Variants in SH3RF3 observed in about 807,000 individuals in gnomAD.
SH3RF3 encodes SH3 domain containing ring finger 3.
In SH3RF3, 29 loss-of-function variants were observed where a neutral mutation model predicts 66.3. The ratio of observed to expected loss-of-function variants is 0.44; its 90% CI spans 0.33 to 0.60. SH3RF3 has a LOEUF of 0.60. SH3RF3 is among the 20% of genes least tolerant of loss of function. The pLI, the probability that SH3RF3 is intolerant of heterozygous loss-of-function variation, is 0.04. For missense variants in SH3RF3, 1,194 were observed against 1,190.9 expected (o/e 1.00, Z -0.04); for synonymous variants, 583 against 532.0 (o/e 1.10, Z -1.32).
In SH3RF3 at chr2:109,411,004, A is replaced by C. The variant is rs187316554; in HGVS notation, c.1300-8535A>C. 3.4e-3 allele frequency among the ~76,000 whole-genome samples: 525 copies of C among 152,300 alleles called. 1 individual carries two copies. The highest frequency in any genetic ancestry group is 0.012 in the African/African-American group (492 of 41,564). On this transcript the variant is annotated intron_variant, in intron 4 of 9. Coordinates refer to ENST00000309415, the MANE Select transcript of SH3RF3 (RefSeq NM_001099289.3). ...CCTGCCAAGTCTTTACTAATCCCTT[A>C]AGGCCTAGAATCATTTAAAATTAAG... is the stretch of plus-strand genomic sequence containing the variant.
chr2:109,196,721 G>A (rs931418878), intron 1 of SH3RF3, among the ~76,000 whole-genome samples: 5 of 152,162 alleles, frequency 3.3e-5, no homozygotes, highest in East Asian at 1.9e-4. Context: ...GCCTCCTCCC[G>A]GAGGAGGGAG....
At chr2:109,325,331 C>CTT (rs11298946) in intron 1 of SH3RF3, among the ~76,000 whole-genome samples, 39 of 66,272 alleles carry the variant, frequency 5.9e-4, no homozygotes, top group Non-Finnish European at 7.0e-4. Flanking sequence ...TTCTTTCTTT[C>CTT]TTTTTTTTTT....
intron 1 of SH3RF3, among the ~76,000 whole-genome samples, chr2:109,152,491 C>T (rs777322603): frequency 1.3e-5 from 2 of 152,242 alleles, no homozygotes; most frequent in Non-Finnish European, 2.9e-5. Flanking sequence ...AGTGGCATTA[C>T]AGCATTCAGA....
intron 1 of SH3RF3, among the ~76,000 whole-genome samples, chr2:109,131,773 G>T (rs980307577): frequency 6.6e-6 from 1 of 152,202 alleles, no homozygotes; most frequent in Non-Finnish European, 1.5e-5. Context: ...CTCACCATAT[G>T]TTGAGACCCT....
intron 1 of SH3RF3, among the ~76,000 whole-genome samples, chr2:109,245,725 T>A (rs1035706753): frequency 6.6e-6 from 1 of 152,198 alleles, no homozygotes; most frequent in Non-Finnish European, 1.5e-5. Context: ...CTTAACAAAT[T>A]CAGGAAATTC....
intron 1 of SH3RF3, among the ~76,000 whole-genome samples, chr2:109,276,483 G>A (rs116655272): frequency 4.6e-5 from 7 of 152,272 alleles, no homozygotes; most frequent in South Asian, 2.1e-4. Context: ...CCCAGGTGTC[G>A]CTGCATGGAA....
chr2:109,244,537 T>A (rs939100925), intron 1 of SH3RF3, among the ~76,000 whole-genome samples: 2 of 152,154 alleles, frequency 1.3e-5, no homozygotes, highest in Non-Finnish European at 2.9e-5. Context: ...CCTAAGCTGT[T>A]TGGAACTGTT....
rs1450526762 is a variant in SH3RF3 at position 109,419,582 on chromosome 2, G to A, written c.1343G>A (p.Arg448Gln). The A allele has an allele frequency of 1.1e-5, 18 of 1,597,378 alleles. No homozygotes were observed. Among genetic ancestry groups the A allele is most frequent in the South Asian group, 3.4e-5 (3 of 87,928 alleles). The stretch of plus-strand genomic sequence containing the variant: ...GGATCTACCCCCACGGCTGTCCCAC[G>A]GGCTGCCTCGGTGTCTGGAGAGCAG... ...SAGSTPTAVP[R>Q]AASVSGEQGT... The change falls in exon 5 of 10, where the codon CGG (arginine) becomes CAG (glutamine). Residue 448 changes from arginine (R) to glutamine (Q), a missense_variant. Coordinates refer to ENST00000309415, the MANE Select transcript of SH3RF3 (RefSeq NM_001099289.3).
At chr2:109,278,769 G>A (rs1415193347) in intron 1 of SH3RF3, among the ~76,000 whole-genome samples, 1 of 152,150 alleles carries the variant, frequency 6.6e-6, no homozygotes, top group African/African-American at 2.4e-5. Context: ...GTACCCAACT[G>A]AAACCCATGT....
chr2:109,227,545 G>T (rs909382261), intron 1 of SH3RF3, among the ~76,000 whole-genome samples: 10 of 152,194 alleles, frequency 6.6e-5, no homozygotes, highest in Admixed American at 1.3e-4. Context: ...CCTGGGCCCT[G>T]CCCTTCATCC....
chr2:109,456,168 C>T (rs542852923), intron 8 of SH3RF3, among the ~76,000 whole-genome samples: 40 of 152,324 alleles, frequency 2.6e-4, no homozygotes, highest in African/African-American at 9.4e-4. Context: ...CCATGGAAAC[C>T]ACCTCTGCCC....
At chr2:109,251,774 C>A in intron 1 of SH3RF3, 6 of 526,044 alleles carry the variant, frequency 1.1e-5, no homozygotes, top group African/African-American at 1.9e-5. Context: ...TTGTAATAGT[C>A]AAAAAAAGAA....
At chr2:109,476,903 C>A (rs932003021) in intron 8 of SH3RF3, among the ~76,000 whole-genome samples, 1 of 152,124 alleles carries the variant, frequency 6.6e-6, no homozygotes, top group African/African-American at 2.4e-5. Flanking sequence ...ATTGTCATGG[C>A]GCTAATGGGA....
chr2:109,481,597 G>A (rs922497193), intron 8 of SH3RF3, among the ~76,000 whole-genome samples: 3 of 152,168 alleles, frequency 2.0e-5, no homozygotes, highest in Non-Finnish European at 2.9e-5. Context: ...ATAGCTAAAC[G>A]TGCGCTTCAT....
intron 5 of SH3RF3, among the ~76,000 whole-genome samples, chr2:109,420,439 T>G (rs776442823): frequency 1.1e-4 from 16 of 151,848 alleles, no homozygotes; most frequent in Non-Finnish European, 1.5e-4. Flanking sequence ...TGTTGTTGTT[T>G]TTGTTTTGTT....
chr2:109,153,528 T>C (rs1333414340), intron 1 of SH3RF3, among the ~76,000 whole-genome samples: 1 of 152,200 alleles, frequency 6.6e-6, no homozygotes. Flanking sequence ...AAGCATGGGC[T>C]CGGCTCAGTG....
At chr2:109,151,875 T>C (rs1397495436) in intron 1 of SH3RF3, among the ~76,000 whole-genome samples, 1 of 152,264 alleles carries the variant, frequency 6.6e-6, no homozygotes, top group Non-Finnish European at 1.5e-5. Flanking sequence ...ATTGTCATCA[T>C]GATAGAATCT....
At chr2:109,140,033 T>C (rs1489593363) in intron 1 of SH3RF3, among the ~76,000 whole-genome samples, 7 of 152,200 alleles carry the variant, frequency 4.6e-5, no homozygotes, top group Admixed American at 4.6e-4. Flanking sequence ...AAACTGTGCC[T>C]ACATAACTCA....
At chr2:109,431,726 G>A (rs1426269339) in intron 5 of SH3RF3, among the ~76,000 whole-genome samples, 1 of 152,160 alleles carries the variant, frequency 6.6e-6, no homozygotes, top group East Asian at 1.9e-4. Context: ...AAAAAACTTA[G>A]CCAGCATGGC....
Sources: allele counts gnomAD v4.1 joint callset (sites outside exome capture counted in the v4.1 genomes callset), GRCh38; gene constraint gnomAD v4.1.1; transcripts MANE v1.5; gene names NCBI Gene and HGNC (gene_info 2026-07-23, HGNC 2026-07-21).